The following SAMD4A variants were observed in gnomAD, a reference collection of about 807,000 sequenced individuals.
The protein encoded by SAMD4A is sterile alpha motif domain containing 4A.
SAMD4A carries 33 observed loss-of-function variants against 81.3 expected under a neutral mutation model. The observed-to-expected ratio is 0.41, with a 90% CI of 0.31 to 0.54. The LOEUF (loss-of-function observed/expected upper bound fraction) is 0.54, where lower values mean the gene tolerates loss of function less well. SAMD4A is among the 20% of genes least tolerant of loss of function. The pLI, the probability that SAMD4A is intolerant of heterozygous loss-of-function variation, is 0.37. For synonymous variants in SAMD4A, 389 were observed against 382.1 expected (o/e 1.02, Z -0.21); for missense variants, 854 against 951.1 (o/e 0.90, Z 1.34).
At chr14:54,576,140 C>T (rs1378371480) in intron 2 of SAMD4A, among the ~76,000 whole-genome samples, 1 of 150,336 alleles carries the variant, frequency 6.7e-6, no homozygotes, top group East Asian at 2.0e-4. Context: ...CAGAGCACTC[C>T]CATAAAGTGC....
chr14:54,674,425 G>A (rs1007602624), intron 2 of SAMD4A, among the ~76,000 whole-genome samples: 1 of 152,240 alleles, frequency 6.6e-6, no homozygotes, highest in Non-Finnish European at 1.5e-5. Context: ...TGAAACAAAA[G>A]AGAAGGCAAT....
chr14:54,788,797 A>T (rs1405029028), intron 12 of SAMD4A, 119 bp from the exon 13 acceptor site: 2 of 1,176,290 alleles, frequency 1.7e-6, no homozygotes, highest in African/African-American at 1.5e-5. Context: ...ACATGAACGT[A>T]GGTGCCCTTC....
At chr14:54,714,491 T>A (rs1487287241) in intron 3 of SAMD4A, among the ~76,000 whole-genome samples, 1 of 152,202 alleles carries the variant, frequency 6.6e-6, no homozygotes, top group Non-Finnish European at 1.5e-5. Flanking sequence ...GGGAACAACC[T>A]GTTTGACCCT....
chr14:54,744,760 T>G (rs1188007398), intron 4 of SAMD4A, among the ~76,000 whole-genome samples: 1 of 152,142 alleles, frequency 6.6e-6, no homozygotes, highest in Non-Finnish European at 1.5e-5. Flanking sequence ...GCCAGAGAGA[T>G]TCACCCACTT....
At chr14:54,684,506 C>T (rs904936040) in intron 2 of SAMD4A, among the ~76,000 whole-genome samples, 2 of 152,346 alleles carry the variant, frequency 1.3e-5, no homozygotes, top group African/African-American at 2.4e-5. Context: ...TGCCTCCCAT[C>T]CCTGCCCTGC....
intron 4 of SAMD4A, among the ~76,000 whole-genome samples, chr14:54,744,810 C>A (rs761048167): frequency 6.6e-6 from 1 of 152,182 alleles, no homozygotes; most frequent in Non-Finnish European, 1.5e-5. Context: ...TGACAAGGAA[C>A]CTCGTTCTCC....
rs141990278 is a variant in SAMD4A at position 54,756,191 on chromosome 14, G to A, written c.1177-3970G>A. 1.3e-3 allele frequency among the ~76,000 whole-genome samples: 205 copies of A among 152,208 alleles called. No homozygotes were observed. In the East Asian group the frequency reaches 0.036, roughly 26 times the overall value. On this transcript the variant is annotated intron_variant, in intron 6 of 12. Transcript: ENST00000554335. ...TTTTTAAAAATGTTTCACCCCTATC[G>A]GTGGATTTGGCCCTTACAGCAAACT... is the stretch of plus-strand genomic sequence containing the variant.
intron 12 of SAMD4A, among the ~76,000 whole-genome samples, chr14:54,787,194 A>C (rs907853735): frequency 4.6e-5 from 7 of 152,206 alleles, no homozygotes; most frequent in Admixed American, 1.3e-4. Flanking sequence ...AGAGAGGCTC[A>C]CATCTGTTGG....
intron 8 of SAMD4A, among the ~76,000 whole-genome samples, chr14:54,769,152 T>G (rs963521580): frequency 2.6e-5 from 4 of 152,092 alleles, no homozygotes; most frequent in African/African-American, 4.8e-5. Flanking sequence ...TGACGTGGGG[T>G]CCTCACCATC....
chr14:54,735,242 C>T (rs146716649), intron 3 of SAMD4A: 7 of 151,274 alleles, frequency 4.6e-5, no homozygotes, highest in African/African-American at 1.5e-4. Context: ...GCTTTCCCCC[C>T]ACTTTTCCTC....
At chr14:54,704,304 G>T (rs2036796939) in intron 3 of SAMD4A, among the ~76,000 whole-genome samples, 1 of 152,204 alleles carries the variant, frequency 6.6e-6, no homozygotes, top group Non-Finnish European at 1.5e-5. Flanking sequence ...ACAGAATCTA[G>T]TAATTGTTAC....
At chr14:54,661,043 G>C (rs753235096) in intron 2 of SAMD4A, among the ~76,000 whole-genome samples, 1 of 152,162 alleles carries the variant, frequency 6.6e-6, no homozygotes, top group Non-Finnish European at 1.5e-5. Context: ...AGAGTGAAAG[G>C]CACTGCGGAC....
intron 2 of SAMD4A, among the ~76,000 whole-genome samples, chr14:54,695,953 G>GAA (rs35817270): frequency 0.023 from 1,823 of 78,224 alleles, 66 homozygotes; most frequent in African/African-American, 0.095. Flanking sequence ...CTCCATCTCA[G>GAA]AAAAAAAAAA....
At chr14:54,732,184 C>T (rs1361678129) in intron 3 of SAMD4A, among the ~76,000 whole-genome samples, 1 of 151,958 alleles carries the variant, frequency 6.6e-6, no homozygotes. Flanking sequence ...ATCGGGGTCC[C>T]CATTAAAACC....
At chr14:54,707,102 CTTTT>C (rs11412662) in intron 3 of SAMD4A, among the ~76,000 whole-genome samples, 1 of 130,432 alleles carries the variant, frequency 7.7e-6, no homozygotes, top group Non-Finnish European at 1.6e-5. Context: ...TATGGACATA[CTTTT>C]TTTTTTTTTT....
Position 54,785,063 on chromosome 14 carries a change from A to G in SAMD4A, c.2128+443A>G, listed in dbSNP as rs532647684. On this transcript the variant is annotated intron_variant, in intron 12 of 12. Transcript: ENST00000554335. ...CCCCAGCCTGGTCCAAGCATAGCCC[A>G]GCTTGCCTTAGAAATATAATTTTTG... 7.2e-5 allele frequency among the ~76,000 whole-genome samples: 11 copies of G among 152,348 alleles called. 1 individual carries two copies. The highest frequency in any genetic ancestry group is 1.9e-4 in the African/African-American group (8 of 41,582).
intron 2 of SAMD4A, among the ~76,000 whole-genome samples, chr14:54,696,370 T>C (rs1007216780): frequency 2.6e-5 from 4 of 152,246 alleles, no homozygotes; most frequent in Admixed American, 1.3e-4. Context: ...TAGGATTGAC[T>C]TTGTAACATT....
At position 54,782,598 on chromosome 14, in the gene SAMD4A, G is replaced by A. The variant is rs189374956; in HGVS notation, c.2045-1939G>A. Among the ~76,000 whole-genome samples the A allele has an allele frequency of 9.2e-5, 14 of 152,294 alleles. No individual in the cohort carries two copies. In the East Asian group the frequency reaches 2.3e-3, roughly 25 times the overall value. Reference sequence around the variant, plus strand: ...GCTCAGTCGGCCTCCGTCTGCTCACGTATTGGCACGGTTGTCTTCCAAACC... The same window carrying A: ...GCTCAGTCGGCCTCCGTCTGCTCACATATTGGCACGGTTGTCTTCCAAACC... On this transcript the variant is annotated intron_variant, in intron 11 of 12. Transcript: ENST00000554335.
At chr14:54,755,000 AC>A in intron 6 of SAMD4A, 1 of 264,106 alleles carries the variant, frequency 3.8e-6, no homozygotes, top group Non-Finnish European at 5.9e-6. Context: ...CGATGTCATC[AC>A]CATAGCAGGT....
Sources: gnomAD v4.1 joint callset for allele counts (sites outside exome capture counted in the v4.1 genomes callset) on GRCh38, gnomAD v4.1.1 for gene constraint, MANE v1.5 for transcripts, NCBI Gene and HGNC (gene_info 2026-07-23, HGNC 2026-07-21) for gene names.